ADGRA3: variants seen among roughly 807,000 people sequenced by gnomAD.
ADGRA3 encodes the protein G-protein coupled receptor 125.
In ADGRA3, 56 loss-of-function variants were observed where a neutral mutation model predicts 119.8. The observed-to-expected ratio is 0.47, with a 90% CI of 0.38 to 0.58. The LOEUF (loss-of-function observed/expected upper bound fraction) is 0.58. ADGRA3 is among the 20% of genes least tolerant of loss of function. The pLI, the probability that ADGRA3 is intolerant of heterozygous loss-of-function variation, is 0.00. For missense variants in ADGRA3, 1,516 were observed against 1,649.0 expected (o/e 0.92, Z 1.40); for synonymous variants, 607 against 623.8 (o/e 0.97, Z 0.40).
chr4:22,456,179 C>T (rs886925146), intron 3 of ADGRA3, among the ~76,000 whole-genome samples: 9 of 152,112 alleles, frequency 5.9e-5, no homozygotes, highest in African/African-American at 1.9e-4. Flanking sequence ...GTACCTAACT[C>T]GTTTGTTTTT....
chr4:22,404,317 G>A (rs757565324), intron 14 of ADGRA3, among the ~76,000 whole-genome samples: 13 of 152,168 alleles, frequency 8.5e-5, no homozygotes, highest in Non-Finnish European at 1.6e-4. Context: ...AATAGAGTAG[G>A]AAGGGAAGGG....
At chr4:22,404,215 T>G (rs1422572478) in intron 14 of ADGRA3, among the ~76,000 whole-genome samples, 1 of 151,686 alleles carries the variant, frequency 6.6e-6, no homozygotes, top group Non-Finnish European at 1.5e-5. Context: ...GAAGCTGTTA[T>G]TAATAAAATA....
chr4:22,416,647 G>C (rs902222103), intron 12 of ADGRA3, among the ~76,000 whole-genome samples: 5 of 152,192 alleles, frequency 3.3e-5, no homozygotes, highest in Admixed American at 2.6e-4. Flanking sequence ...TCTGGGGACT[G>C]GGGGAGAGGA....
intron 1 of ADGRA3, among the ~76,000 whole-genome samples, chr4:22,497,453 G>T (rs952535106): frequency 5.9e-5 from 9 of 152,106 alleles, no homozygotes; most frequent in African/African-American, 2.2e-4. Flanking sequence ...CGGAGTTGGG[G>T]TTTAAAAGCC....
chr4:22,464,512 AG>A (rs1397474575), intron 2 of ADGRA3, among the ~76,000 whole-genome samples: 1 of 152,186 alleles, frequency 6.6e-6, no homozygotes, highest in Non-Finnish European at 1.5e-5. Context: ...CAACAGAAAG[AG>A]GAATATTATG....
chr4:22,509,167 G>A (rs1213760471), intron 1 of ADGRA3, among the ~76,000 whole-genome samples: 1 of 152,154 alleles, frequency 6.6e-6, no homozygotes, highest in African/African-American at 2.4e-5. Context: ...CTGGACAGGA[G>A]AACTGCATGC....
intron 17 of ADGRA3, 107 bp from the exon 18 acceptor site, chr4:22,389,290 A>T: frequency 5.4e-6 from 4 of 747,284 alleles, no homozygotes; most frequent in Non-Finnish European, 9.3e-6. Context: ...ATTAATTATT[A>T]TCTTTATTCC....
At chr4:22,431,446 G>C (rs939749284) in intron 10 of ADGRA3, among the ~76,000 whole-genome samples, 1 of 152,208 alleles carries the variant, frequency 6.6e-6, no homozygotes, top group Non-Finnish European at 1.5e-5. Flanking sequence ...GCATCAGTGT[G>C]ACCTGGATGT....
At chr4:22,436,355 T>TAAAA in intron 9 of ADGRA3, 85 bp downstream of exon 9, 58 of 856,838 alleles carry the variant, frequency 6.8e-5, no homozygotes, top group South Asian at 1.3e-4. Context: ...TGCCTAGTAT[T>TAAAA]AAAAAAAAAA....
intron 14 of ADGRA3, among the ~76,000 whole-genome samples, chr4:22,409,662 AC>A (rs753269739): frequency 9.9e-5 from 15 of 152,194 alleles, no homozygotes; most frequent in African/African-American, 2.9e-4. Flanking sequence ...AAGATTGGCC[AC>A]CACTACCACC....
intron 2 of ADGRA3, among the ~76,000 whole-genome samples, chr4:22,471,529 G>T (rs1717857406): frequency 6.6e-6 from 1 of 152,092 alleles, no homozygotes; most frequent in Admixed American, 6.5e-5. Flanking sequence ...CACAAAAACA[G>T]CATGGGAGGC....
intron 4 of ADGRA3, 24 bp downstream of exon 4, chr4:22,454,842 A>G (rs777157857): frequency 1.3e-6 from 2 of 1,561,560 alleles, no homozygotes; most frequent in Non-Finnish European, 1.8e-6. Flanking sequence ...TTATCTTTTA[A>G]TGGGAAAGAA....
At chr4:22,501,657 T>C (rs1344732346) in intron 1 of ADGRA3, among the ~76,000 whole-genome samples, 1 of 152,128 alleles carries the variant, frequency 6.6e-6, no homozygotes, top group African/African-American at 2.4e-5. Flanking sequence ...CCCCTCTGGA[T>C]ATACTAAGAC....
At chr4:22,491,247 C>T (rs1718611854) in intron 1 of ADGRA3, among the ~76,000 whole-genome samples, 1 of 152,146 alleles carries the variant, frequency 6.6e-6, no homozygotes, top group African/African-American at 2.4e-5. Context: ...GGGCAGAAGT[C>T]AAGAAACTTG....
At chr4:22,454,807 T>C (rs1717183108) in intron 4 of ADGRA3, 59 bp downstream of exon 4, 8 of 1,231,698 alleles carry the variant, frequency 6.5e-6, no homozygotes, top group Non-Finnish European at 9.6e-6. Flanking sequence ...TTCATACATA[T>C]TTAGGTACTG....
intron 5 of ADGRA3, among the ~76,000 whole-genome samples, chr4:22,446,651 G>C (rs910021534): frequency 6.6e-6 from 1 of 151,954 alleles, no homozygotes; most frequent in African/African-American, 2.4e-5. Context: ...TTAAATGACG[G>C]GTGCAGGAAA....
chr4:22,448,796 G>A (rs1246851739), intron 4 of ADGRA3, among the ~76,000 whole-genome samples: 1 of 152,116 alleles, frequency 6.6e-6, no homozygotes, highest in Non-Finnish European at 1.5e-5. Context: ...GCTGGATTCA[G>A]TGATTCTCAC....
intron 7 of ADGRA3, among the ~76,000 whole-genome samples, chr4:22,440,078 A>G (rs1338707766): frequency 6.6e-6 from 1 of 152,196 alleles, no homozygotes; most frequent in Admixed American, 6.5e-5. Context: ...GGATCAGACA[A>G]TGATGCTCAT....
intron 1 of ADGRA3, among the ~76,000 whole-genome samples, chr4:22,491,082 A>G (rs917183673): frequency 1.6e-4 from 25 of 152,212 alleles, no homozygotes; most frequent in African/African-American, 6.0e-4. Flanking sequence ...AACATCCAGG[A>G]AAAAAACTGG....
Sources: allele counts gnomAD v4.1 joint callset (sites outside exome capture counted in the v4.1 genomes callset), GRCh38; gene constraint gnomAD v4.1.1; transcripts MANE v1.5; gene names NCBI Gene and HGNC (gene_info 2026-07-23, HGNC 2026-07-21).